Variants in SMAD6 observed in about 807,000 individuals in gnomAD.
SMAD6 encodes the protein MAD homolog 6.
SMAD6 carries 103 observed loss-of-function variants against 39.4 expected under a neutral mutation model. The ratio of observed to expected loss-of-function variants is 2.62; its 90% CI spans 2.23 to 3.08. The LOEUF is 3.08. SMAD6 is among the 30% of genes most tolerant of loss of function. The pLI, the probability that SMAD6 is intolerant of heterozygous loss-of-function variation, is 0.00. For missense variants in SMAD6, 1,104 were observed against 742.9 expected, an observed-to-expected ratio of 1.49 and a Z score of -5.65; for synonymous variants, 445 against 353.3, an observed-to-expected ratio of 1.26 and a Z score of -2.91.
intron 1 of SMAD6, among the ~76,000 whole-genome samples, chr15:66,711,461 A>ATT (rs1293567142): frequency 6.6e-6 from 1 of 152,226 alleles, no homozygotes; most frequent in Non-Finnish European, 1.5e-5. Flanking sequence ...CAAAGGTGGC[A>ATT]GAGCTGGGAT....
At chr15:66,737,886 CCT>C (rs1213143953) in intron 3 of SMAD6, among the ~76,000 whole-genome samples, 1 of 152,040 alleles carries the variant, frequency 6.6e-6, no homozygotes, top group Non-Finnish European at 1.5e-5. Flanking sequence ...AGGAGTGCCG[CCT>C]CCTCCCTTCT....
intron 3 of SMAD6, chr15:66,717,444 G>C (rs770978972): frequency 4.4e-6 from 2 of 455,956 alleles, no homozygotes; most frequent in South Asian, 3.1e-5. Flanking sequence ...GCCATGGGCT[G>C]TTTGTCTCCA....
chr15:66,764,722 A>G (rs16950210), intron 3 of SMAD6, among the ~76,000 whole-genome samples: 8,435 of 152,170 alleles, frequency 0.055, 367 homozygotes, highest in African/African-American at 0.12. Flanking sequence ...ACTCGATGGC[A>G]TTTACCACGT....
chr15:66,748,578 T>C (rs1057020859), intron 3 of SMAD6, among the ~76,000 whole-genome samples: 1 of 152,210 alleles, frequency 6.6e-6, no homozygotes, highest in African/African-American at 2.4e-5. Context: ...GAAAACACTA[T>C]TTAAACATTT....
chr15:66,719,855 C>T (rs79479339), intron 3 of SMAD6, among the ~76,000 whole-genome samples: 1,575 of 152,192 alleles, frequency 0.01, 14 homozygotes, highest in Non-Finnish European at 0.018. Flanking sequence ...AATTTGGATA[C>T]GTGATTCCCA....
At chr15:66,759,158 A>G (rs924602711) in intron 3 of SMAD6, among the ~76,000 whole-genome samples, 3 of 152,246 alleles carry the variant, frequency 2.0e-5, no homozygotes, top group African/African-American at 7.2e-5. Context: ...CCTTATTTAT[A>G]TCAAAGCCAA....
chr15:66,708,878 C>A (rs1394919617), intron 1 of SMAD6: 2 of 382,252 alleles, frequency 5.2e-6, no homozygotes, highest in Admixed American at 3.1e-5. Context: ...TGAATATACT[C>A]AAAAACCACT....
At position 66,703,741 on chromosome 15, in the gene SMAD6, G is replaced by A; in HGVS notation, c.483G>A (p.Ala161=). ...CGGGCGGCGGGCGGAGTCGCGAAGC[G>A]CGCTCGCGGCTGCTGCTGCTGGAGC... ...EPAGGGRSRE[A]RSRLLLLEQE... is the part of the protein sequence containing the mutation. The change falls in exon 1 of 4, where the codon GCG becomes GCA. Residue 161 remains alanine, a synonymous_variant. Transcript: ENST00000288840. The A allele has an allele frequency of 1.5e-6, 2 of 1,378,468 alleles. No individual in the cohort carries two copies. Among genetic ancestry groups the A allele is most frequent in the Non-Finnish European group, 1.9e-6 (2 of 1,052,944 alleles). The allele number at this position is 1,378,468 out of a possible 1,614,324, so 85.4% of individuals were successfully genotyped here.
Position 66,753,556 on chromosome 15 carries a change from C to T in SMAD6, c.953-27441C>T, listed in dbSNP as rs114743527. ...GAAACCAAGGCTTTGAGAAGGGAAG[C>T]GACTTACTCAAAGTCGTACGTACCA... On this transcript the variant is annotated intron_variant, in intron 3 of 3. Coordinates refer to ENST00000288840, the MANE Select transcript of SMAD6 (RefSeq NM_005585.5). Among the ~76,000 whole-genome samples, 1,030 of 152,280 alleles carry T rather than the reference C, an allele frequency of 6.8e-3. 10 individuals carry two copies. Among genetic ancestry groups the T allele is most frequent in the African/African-American group, 0.023 (975 of 41,564 alleles).
chr15:66,781,376 G>A lies in SMAD6; in HGVS notation c.1332G>A (p.Ser444=), dbSNP rs759825484. ...YSIKVFDFER[S]GLQHAPEPDA... The stretch of plus-strand genomic sequence containing the variant: ...TCAAGGTGTTCGACTTCGAGCGCTC[G>A]GGCCTGCAGCACGCGCCCGAGCCCG... Residue 444 remains serine, a synonymous_variant, in exon 4 of 4, where the codon TCG becomes TCA. Transcript: ENST00000288840. The A allele has an allele frequency of 1.9e-6, 3 of 1,600,580 alleles. No homozygotes were observed. The highest frequency in any genetic ancestry group is 1.7e-6 in the Non-Finnish European group (2 of 1,176,552).
chr15:66,766,913 T>G (rs1020138506), intron 3 of SMAD6, among the ~76,000 whole-genome samples: 5 of 152,156 alleles, frequency 3.3e-5, no homozygotes, highest in Admixed American at 2.6e-4. Context: ...AAGTTAACCT[T>G]GGCAATAAAA....
chr15:66,737,346 C>T (rs1893730171), intron 3 of SMAD6, among the ~76,000 whole-genome samples: 1 of 152,198 alleles, frequency 6.6e-6, no homozygotes, highest in South Asian at 2.1e-4. Flanking sequence ...GGAGCCTGAC[C>T]CCACAGCAGA....
chr15:66,757,559 A>G lies in SMAD6; in HGVS notation c.953-23438A>G, dbSNP rs533040015. Among the ~76,000 whole-genome samples, 13 of 152,308 alleles carry G rather than the reference A, an allele frequency of 8.5e-5. No homozygotes were observed. The South Asian group carries it at 2.5e-3, about 29-fold the overall frequency. The stretch of plus-strand genomic sequence containing the variant: ...GCAGGACCCTCAGGCTGGGTCTCCC[A>G]GGCCGGGGGCTGGTCTGCCTTGATG... On this transcript the variant is annotated intron_variant, in intron 3 of 3. Transcript: ENST00000288840.
At chr15:66,749,317 G>C (rs1047684040) in intron 3 of SMAD6, among the ~76,000 whole-genome samples, 6 of 152,162 alleles carry the variant, frequency 3.9e-5, no homozygotes, top group African/African-American at 1.4e-4. Context: ...AATTAGCCAG[G>C]CATGGTGGTG....
intron 3 of SMAD6, among the ~76,000 whole-genome samples, chr15:66,749,105 G>C (rs1433033163): frequency 6.6e-6 from 1 of 152,150 alleles, no homozygotes; most frequent in Non-Finnish European, 1.5e-5. Context: ...TGGGCAGATT[G>C]CTTGAGCACA....
chr15:66,703,884 C>G lies in SMAD6; in HGVS notation c.626C>G (p.Pro209Arg). The change falls in exon 1 of 4, where the codon CCG (proline) becomes CGG (arginine). Residue 209 changes from proline to arginine, a missense_variant. Pro to Arg is a moderately radical substitution (Grantham distance 103). Transcript: ENST00000288840. ...GTGCCGGGCGGCTGCGTGCTGGTGC[C>G]GCGCGCCGACCTCCGCCTGGGCGGC... ...GGVPGGCVLV[P>R]RADLRLGGQP... The G allele has an allele frequency of 1.5e-6, 2 of 1,311,552 alleles. No individual in the cohort carries two copies. The highest frequency in any genetic ancestry group is 1.9e-6 in the Non-Finnish European group (2 of 1,029,596). 81.2% of individuals were successfully genotyped at this position (1,311,552 alleles called of 1,614,324 possible). A position where few individuals can be genotyped will look rare whatever the true frequency, so the allele number is the denominator to read the frequency against.
At chr15:66,724,818 AG>A (rs1355906940) in intron 3 of SMAD6, among the ~76,000 whole-genome samples, 1 of 151,394 alleles carries the variant, frequency 6.6e-6, no homozygotes, top group Admixed American at 6.7e-5. Context: ...TGGGTTTCTG[AG>A]GGGAGGCTGC....
Position 66,703,242 on chromosome 15 carries a change from G to C in SMAD6, c.-17G>C. On this transcript the variant is annotated 5_prime_UTR_variant, in exon 1 of 4. Transcript: ENST00000288840. ...GGAGACCGCCTCCCCCCCACCCCTG[G>C]CGCCAAAGGATATCGTATGTTCAGG... 7.2e-7 allele frequency: 1 copy of C among 1,390,654 alleles called. No individual in the cohort carries two copies. The highest frequency in any genetic ancestry group is 1.5e-5 in the African/African-American group (1 of 65,810). The allele number at this position is 1,390,654 out of a possible 1,614,324, so 86.1% of individuals were successfully genotyped here.
intron 3 of SMAD6, 65 bp downstream of exon 3, chr15:66,716,563 G>T (rs1226119784): frequency 3.3e-6 from 4 of 1,199,288 alleles, no homozygotes; most frequent in Non-Finnish European, 5.0e-6. Flanking sequence ...GCTGCGGAGG[G>T]GGCTTGGTGG....
Sources: gnomAD v4.1 joint callset for allele counts (sites outside exome capture counted in the v4.1 genomes callset) on GRCh38, gnomAD v4.1.1 for gene constraint, MANE v1.5 for transcripts, NCBI Gene and HGNC (gene_info 2026-07-23, HGNC 2026-07-21) for gene names.